LRRFIP1: variants seen among roughly 807,000 people sequenced by gnomAD.
LRRFIP1 encodes the protein LRR binding FLII interacting protein 1.
In LRRFIP1, 62 loss-of-function variants were observed where a neutral mutation model predicts 104.4. The observed-to-expected ratio is 0.59, with a 90% CI of 0.48 to 0.73. LRRFIP1 has a LOEUF of 0.73. Among genes scored for constraint, LRRFIP1 ranks in the 30% least tolerant of loss-of-function variants. The probability of loss-of-function intolerance (pLI) is 0.00; values close to 1 mark genes in which losing one functional copy is unlikely to be tolerated. For synonymous variants in LRRFIP1, 300 were observed against 299.0 expected, an observed-to-expected ratio of 1.00 and a Z score of -0.03; for missense variants, 796 against 824.5, an observed-to-expected ratio of 0.97 and a Z score of 0.42.
rs142806552 is a variant in LRRFIP1 at position 237,777,813 on chromosome 2, A to C, written c.1813-1609A>C. ...TCTCCACTTTCCCCTCTGGAACTCT[A>C]ATCAGAGGATGTTAGAGATTCTCAT... On this transcript the variant is annotated intron_variant, in intron 23 of 23. Transcript: ENST00000308482. 3.8e-3 allele frequency among the ~76,000 whole-genome samples: 576 copies of C among 152,306 alleles called. 3 individuals are homozygous for C. The highest frequency in any genetic ancestry group is 0.013 in the African/African-American group (552 of 41,538).
Position 237,757,566 on chromosome 2 carries a change from T to C in LRRFIP1, c.1224+18T>C. ...AGATAGGGGTAGGATTCCCAAGTCTTGAAAATCTACTCAAATGGGCAGCCT... is the reference window on the plus strand; with the variant it reads ...AGATAGGGGTAGGATTCCCAAGTCTCGAAAATCTACTCAAATGGGCAGCCT... On this transcript the variant is annotated intron_variant, in intron 17 of 23. Coordinates refer to ENST00000308482, the MANE Select transcript of LRRFIP1 (RefSeq NM_001137550.2). 6.5e-7 allele frequency: 1 copy of C among 1,535,186 alleles called. No individual in the cohort carries two copies. The highest frequency in any genetic ancestry group is 8.9e-7 in the Non-Finnish European group (1 of 1,128,758).
At chr2:237,693,358 T>G (rs1160447366) in intron 1 of LRRFIP1, among the ~76,000 whole-genome samples, 1 of 152,176 alleles carries the variant, frequency 6.6e-6, no homozygotes, top group Non-Finnish European at 1.5e-5. Flanking sequence ...GTGTAAGATT[T>G]AAGATGAATC....
chr2:237,641,470 C>T (rs1016498003), intron 1 of LRRFIP1, among the ~76,000 whole-genome samples: 3 of 144,488 alleles, frequency 2.1e-5, no homozygotes, highest in South Asian at 2.2e-4. Context: ...GCACTCCAGC[C>T]TGGGCAACAG....
intron 1 of LRRFIP1, among the ~76,000 whole-genome samples, chr2:237,666,088 G>A (rs895122150): frequency 2.0e-5 from 3 of 152,226 alleles, no homozygotes; most frequent in Non-Finnish European, 4.4e-5. Flanking sequence ...CCTCAAGCAG[G>A]TTATTTGGCC....
chr2:237,635,819 G>C (rs11691495), intron 1 of LRRFIP1, among the ~76,000 whole-genome samples: 89,027 of 151,942 alleles, frequency 0.59, 26,745 homozygotes, highest in African/African-American at 0.71. Flanking sequence ...GAAAAAGTGA[G>C]TGGGTGTGGT....
At chr2:237,756,254 A>G (rs1052646906) in intron 16 of LRRFIP1, 67 bp downstream of exon 16, 12 of 1,176,258 alleles carry the variant, frequency 1.0e-5, no homozygotes, top group Non-Finnish European at 1.5e-5. Flanking sequence ...GGCCATGACT[A>G]TCTTAGCTTA....
At chr2:237,646,424 G>A (rs1022404835) in intron 1 of LRRFIP1, among the ~76,000 whole-genome samples, 4 of 142,028 alleles carry the variant, frequency 2.8e-5, no homozygotes, top group East Asian at 4.9e-4. Flanking sequence ...CCCACCCTCC[G>A]ACAAGCCCCA....
chr2:237,668,453 C>T (rs1443704623), intron 1 of LRRFIP1, among the ~76,000 whole-genome samples: 2 of 152,200 alleles, frequency 1.3e-5, no homozygotes, highest in Non-Finnish European at 2.9e-5. Context: ...GGTTCCCCGC[C>T]TTACCATCCT....
chr2:237,754,486 G>A (rs3769059), intron 15 of LRRFIP1, among the ~76,000 whole-genome samples: 21,122 of 152,198 alleles, frequency 0.14, 1,871 homozygotes, highest in East Asian at 0.33. Context: ...TAGAAAGCAA[G>A]GAATACTTTT....
intron 1 of LRRFIP1, among the ~76,000 whole-genome samples, chr2:237,638,341 G>A (rs1224220750): frequency 2.0e-5 from 3 of 152,146 alleles, no homozygotes; most frequent in Non-Finnish European, 2.9e-5. Context: ...TAATGCTGCT[G>A]CTCATCTGAC....
At chr2:237,674,946 T>G (rs1447237327) in intron 1 of LRRFIP1, among the ~76,000 whole-genome samples, 1 of 152,238 alleles carries the variant, frequency 6.6e-6, no homozygotes, top group Non-Finnish European at 1.5e-5. Context: ...CTGTGCCCTA[T>G]CGGGCCCTGC....
rs12468843 is a variant in LRRFIP1, at chr2:237,697,007, A to G, written c.97-11537A>G. On this transcript the variant is annotated intron_variant, in intron 1 of 23. Transcript: ENST00000308482. ...AATTTCCAGACAGAAGAGAACATTC[A>G]AAGAACGAACTTACTTTCCTTCTTT... Among the ~76,000 whole-genome samples the G allele has an allele frequency of 4.0e-3, 615 of 152,308 alleles. 14 individuals are homozygous for G. The highest frequency in any genetic ancestry group is 0.027 in the Admixed American group (415 of 15,290).
intron 22 of LRRFIP1, chr2:237,773,887 G>A (rs1314172333): frequency 3.1e-5 from 5 of 159,076 alleles, no homozygotes; most frequent in South Asian, 3.6e-4. Context: ...CGCTGCTGCC[G>A]TCTTTCATCT....
chr2:237,662,383 GA>G (rs1319179970), intron 1 of LRRFIP1, among the ~76,000 whole-genome samples: 1 of 152,102 alleles, frequency 6.6e-6, no homozygotes, highest in Non-Finnish European at 1.5e-5. Context: ...ACTTTTGGGG[GA>G]TGTTACTGAA....
intron 1 of LRRFIP1, among the ~76,000 whole-genome samples, chr2:237,695,163 T>G (rs185964873): frequency 4.9e-4 from 75 of 152,240 alleles, no homozygotes; most frequent in African/African-American, 1.8e-3. Flanking sequence ...TATAGTAAGG[T>G]AGGTCTTTTC....
At chr2:237,652,445 GAT>G (rs2086091550) in intron 1 of LRRFIP1, among the ~76,000 whole-genome samples, 1 of 152,222 alleles carries the variant, frequency 6.6e-6, no homozygotes, top group East Asian at 1.9e-4. Flanking sequence ...GTGCCAAATG[GAT>G]ATAAAGGTTA....
intron 22 of LRRFIP1, among the ~76,000 whole-genome samples, chr2:237,773,366 C>T (rs1393303926): frequency 6.6e-6 from 1 of 151,958 alleles, no homozygotes; most frequent in Non-Finnish European, 1.5e-5. Context: ...AGTGAAACCC[C>T]GTCTCTACTA....
Position 237,703,529 on chromosome 2 carries a change from G to C in LRRFIP1, c.97-5015G>C, listed in dbSNP as rs2093645898. Among the ~76,000 whole-genome samples, 1 of 152,082 alleles carries C rather than the reference G, an allele frequency of 6.6e-6. No individual in the cohort carries two copies. Among genetic ancestry groups the C allele is most frequent in the Non-Finnish European group, 1.5e-5 (1 of 68,030 alleles). On this transcript the variant is annotated intron_variant, in intron 1 of 23. Coordinates refer to ENST00000308482, the MANE Select transcript of LRRFIP1 (RefSeq NM_001137550.2). This position sits in a 1 kb window ranked among gnomAD's most constrained non-coding sequence, Gnocchi z 4.3. ...GCGAGGGTCTGCACCCCAGGCGTCT[G>C]CACTCCTTGTCACCAGCTCCTGGTC...
intron 3 of LRRFIP1, among the ~76,000 whole-genome samples, chr2:237,716,831 G>A (rs1479127098): frequency 2.0e-5 from 3 of 152,180 alleles, no homozygotes; most frequent in Non-Finnish European, 2.9e-5. Context: ...CTGATTGAGT[G>A]GCAGCAGTAG....
Sources: gnomAD v4.1 joint callset for allele counts (sites outside exome capture counted in the v4.1 genomes callset) on GRCh38, gnomAD v4.1.1 for gene constraint, Gnocchi (gnomAD v3.1) non-coding constraint, MANE v1.5 for transcripts, NCBI Gene and HGNC (gene_info 2026-07-23, HGNC 2026-07-21) for gene names.